POU6F2: variants seen among roughly 807,000 people sequenced by gnomAD.
POU6F2 encodes the protein POU domain, class 6, transcription factor 2.
POU6F2 carries 31 observed loss-of-function variants against 71.3 expected under a neutral mutation model. That is an observed-to-expected ratio of 0.43 (90% CI 0.33 to 0.59). The LOEUF is 0.59. Ranked by LOEUF, POU6F2 falls within the 20% of genes least tolerant of loss-of-function variation. The pLI is 0.04. For synonymous variants in POU6F2, 347 were observed against 355.7 expected (o/e 0.98, Z 0.27); for missense variants, 783 against 856.8 (o/e 0.91, Z 1.07).
intron 1 of POU6F2, among the ~76,000 whole-genome samples, chr7:39,026,782 A>C (rs1177029158): frequency 6.6e-6 from 1 of 152,144 alleles, no homozygotes; most frequent in Non-Finnish European, 1.5e-5. Context: ...ATTATCACTT[A>C]AATTACTTAA....
At chr7:39,154,008 C>T (rs1792811745) in intron 2 of POU6F2, among the ~76,000 whole-genome samples, 1 of 152,162 alleles carries the variant, frequency 6.6e-6, no homozygotes, top group Non-Finnish European at 1.5e-5. Context: ...AGAAATCTGG[C>T]TGTTCACAGT....
chr7:39,127,609 G>A (rs1792166810), intron 2 of POU6F2, among the ~76,000 whole-genome samples: 2 of 152,108 alleles, frequency 1.3e-5, no homozygotes, highest in Non-Finnish European at 2.9e-5. Flanking sequence ...ACTGGAGCGT[G>A]ATGGGGGTAC....
At chr7:39,229,329 C>CCGACCT (rs1170835627) in intron 4 of POU6F2, among the ~76,000 whole-genome samples, 1 of 152,172 alleles carries the variant, frequency 6.6e-6, no homozygotes, top group African/African-American at 2.4e-5. Context: ...GGTTTGTTTC[C>CCGACCT]CGACCTCGGA....
intron 2 of POU6F2, among the ~76,000 whole-genome samples, chr7:39,128,203 C>T (rs563007255): frequency 6.6e-6 from 1 of 152,130 alleles, no homozygotes; most frequent in South Asian, 2.1e-4. Flanking sequence ...GAAGAAGCAG[C>T]TTAGAAAATA....
At chr7:39,411,882 G>A (rs1398155467) in intron 6 of POU6F2, among the ~76,000 whole-genome samples, 1 of 152,218 alleles carries the variant, frequency 6.6e-6, no homozygotes. Context: ...AACACCACCA[G>A]CATCATAGAT....
intron 1 of POU6F2, among the ~76,000 whole-genome samples, chr7:39,032,633 G>C (rs1411208168): frequency 6.6e-6 from 1 of 152,208 alleles, no homozygotes; most frequent in Non-Finnish European, 1.5e-5. Flanking sequence ...TGCATAAGTA[G>C]AGAGAAATGC....
chr7:39,137,757 T>A (rs1244877689), intron 2 of POU6F2, among the ~76,000 whole-genome samples: 1 of 152,262 alleles, frequency 6.6e-6, no homozygotes, highest in Non-Finnish European at 1.5e-5. Context: ...AAACCCTATG[T>A]ACCTCTTTAT....
chr7:39,038,639 C>T (rs1443694204), intron 1 of POU6F2, among the ~76,000 whole-genome samples: 1 of 151,946 alleles, frequency 6.6e-6, no homozygotes, highest in Non-Finnish European at 1.5e-5. Context: ...GGTGTTTATT[C>T]TTTCTTGTGT....
intron 2 of POU6F2, among the ~76,000 whole-genome samples, chr7:39,118,883 G>C (rs1358002): frequency 6.6e-6 from 1 of 152,102 alleles, no homozygotes; most frequent in Non-Finnish European, 1.5e-5. Context: ...ACAAAAGGGC[G>C]TATATCAGGA....
intron 1 of POU6F2, among the ~76,000 whole-genome samples, chr7:39,020,458 G>A (rs891229883): frequency 6.6e-6 from 1 of 152,094 alleles, no homozygotes; most frequent in African/African-American, 2.4e-5. Context: ...GACAAAGTAT[G>A]GGCTAAATGG....
At chr7:39,160,631 C>G (rs1027859864) in intron 2 of POU6F2, among the ~76,000 whole-genome samples, 1 of 152,196 alleles carries the variant, frequency 6.6e-6, no homozygotes, top group Non-Finnish European at 1.5e-5. Flanking sequence ...TCTCATCTCC[C>G]TTGGTAGAAA....
intron 1 of POU6F2, among the ~76,000 whole-genome samples, chr7:39,079,751 T>G (rs147600065): frequency 2.0e-5 from 3 of 152,250 alleles, no homozygotes; most frequent in African/African-American, 7.2e-5. Context: ...GAGAAAGAGA[T>G]AGCAGTTGGG....
intron 2 of POU6F2, among the ~76,000 whole-genome samples, chr7:39,147,532 A>G (rs1406675061): frequency 1.3e-5 from 2 of 152,216 alleles, no homozygotes; most frequent in African/African-American, 4.8e-5. Flanking sequence ...ATTGATTTTT[A>G]TGAAACATAC....
chr7:39,226,062 A>G (rs1794455773), intron 4 of POU6F2, among the ~76,000 whole-genome samples: 1 of 152,120 alleles, frequency 6.6e-6, no homozygotes, highest in Admixed American at 6.5e-5. Flanking sequence ...TTCGGGAGCA[A>G]TCTGTAGTCA....
At chr7:39,058,996 G>C (rs78415460) in intron 1 of POU6F2, among the ~76,000 whole-genome samples, 1 of 152,062 alleles carries the variant, frequency 6.6e-6, no homozygotes, top group Non-Finnish European at 1.5e-5. Context: ...TAGTCTCAAA[G>C]ACTTGGGAAA....
intron 1 of POU6F2, among the ~76,000 whole-genome samples, chr7:38,994,654 A>C (rs1403840645): frequency 6.6e-6 from 1 of 151,994 alleles, no homozygotes; most frequent in African/African-American, 2.4e-5. Flanking sequence ...GTGTGGTCAG[A>C]GAATCCAGCT....
chr7:39,074,726 G>T (rs948950492), intron 1 of POU6F2, among the ~76,000 whole-genome samples: 6 of 152,182 alleles, frequency 3.9e-5, no homozygotes, highest in African/African-American at 1.4e-4. Context: ...AGCAGATCAT[G>T]AATCCCTTTA....
intron 1 of POU6F2, among the ~76,000 whole-genome samples, chr7:38,992,831 CTG>C (rs1191161107): frequency 6.6e-6 from 1 of 152,154 alleles, no homozygotes; most frequent in East Asian, 1.9e-4. Context: ...GTACAAGTGA[CTG>C]TGAATAATTT....
chr7:39,327,592 C>G (rs962886636), intron 4 of POU6F2, among the ~76,000 whole-genome samples: 1 of 151,728 alleles, frequency 6.6e-6, no homozygotes, highest in Non-Finnish European at 1.5e-5. Flanking sequence ...AGACTCCCCA[C>G]TCTAAAAAAG....
Sources: allele counts gnomAD v4.1 joint callset (sites outside exome capture counted in the v4.1 genomes callset), GRCh38; gene constraint gnomAD v4.1.1; transcripts MANE v1.5; gene names NCBI Gene and HGNC (gene_info 2026-07-23, HGNC 2026-07-21).